The following DSCAM variants were observed in gnomAD, a reference collection of about 807,000 sequenced individuals.
DSCAM encodes cell adhesion molecule DSCAM.
DSCAM carries 47 observed loss-of-function variants against 217.7 expected under a neutral mutation model. The observed-to-expected ratio is 0.22, with a 90% CI of 0.17 to 0.28. The LOEUF is 0.28. DSCAM is among the 10% of genes least tolerant of loss of function. The pLI, the probability that DSCAM is intolerant of heterozygous loss-of-function variation, is 1.00. For missense variants in DSCAM, 2,080 were observed against 2,618.3 expected, an observed-to-expected ratio of 0.79 and a Z score of 4.49; for synonymous variants, 1,056 against 1,015.3, an observed-to-expected ratio of 1.04 and a Z score of -0.76.
intron 3 of DSCAM, among the ~76,000 whole-genome samples, chr21:40,563,383 T>A (rs1364659748): frequency 6.6e-6 from 1 of 150,864 alleles, no homozygotes; most frequent in East Asian, 2.0e-4. Flanking sequence ...ATCATTGATC[T>A]GGTGGAACTC....
chr21:40,837,009 C>T (rs1034325782), intron 1 of DSCAM, among the ~76,000 whole-genome samples: 1 of 152,196 alleles, frequency 6.6e-6, no homozygotes, highest in Non-Finnish European at 1.5e-5. Context: ...TCTCCCTGAC[C>T]CAGAACACCG....
chr21:40,089,827 T>C (rs2089582089), intron 21 of DSCAM, among the ~76,000 whole-genome samples: 1 of 152,102 alleles, frequency 6.6e-6, no homozygotes, highest in Non-Finnish European at 1.5e-5. Context: ...ACAGCAATCC[T>C]AACCCTGAGT....
At chr21:40,409,550 C>G (rs1047134540) in intron 3 of DSCAM, among the ~76,000 whole-genome samples, 5 of 152,132 alleles carry the variant, frequency 3.3e-5, no homozygotes, top group African/African-American at 1.2e-4. Context: ...CTGAGTTTTA[C>G]AGAGGGCCCA....
intron 3 of DSCAM, among the ~76,000 whole-genome samples, chr21:40,577,665 G>C (rs896358382): frequency 7.9e-5 from 12 of 152,204 alleles, no homozygotes; most frequent in Admixed American, 5.9e-4. Context: ...GAAGAAGGGG[G>C]TAGATTTTCT....
chr21:40,814,607 T>A (rs1034030018), intron 1 of DSCAM, among the ~76,000 whole-genome samples: 1 of 152,176 alleles, frequency 6.6e-6, no homozygotes, highest in Non-Finnish European at 1.5e-5. Context: ...GACAAATACA[T>A]AGATCATTGT....
chr21:40,128,732 G>C (rs1326010150), intron 19 of DSCAM, among the ~76,000 whole-genome samples: 3 of 148,186 alleles, frequency 2.0e-5, no homozygotes. Flanking sequence ...CCCATATCCT[G>C]TGAGCCTGGG....
At chr21:40,457,433 GC>G (rs879351979) in intron 3 of DSCAM, among the ~76,000 whole-genome samples, 14 of 152,004 alleles carry the variant, frequency 9.2e-5, no homozygotes, top group Non-Finnish European at 1.6e-4. Context: ...GATTGCTTGA[GC>G]CCGGGAGTTT....
At chr21:40,719,071 G>A (rs751152996) in intron 1 of DSCAM, among the ~76,000 whole-genome samples, 35 of 151,986 alleles carry the variant, frequency 2.3e-4, no homozygotes, top group East Asian at 5.8e-4. Context: ...AGCCGAGATC[G>A]CACCACTGCA....
intron 11 of DSCAM, among the ~76,000 whole-genome samples, chr21:40,198,106 A>C (rs1434041349): frequency 1.3e-5 from 2 of 152,128 alleles, no homozygotes; most frequent in East Asian, 3.9e-4. Context: ...CAAGACCCAA[A>C]CATCTCCCGC....
chr21:40,520,130 T>C (rs2076347269), intron 3 of DSCAM, among the ~76,000 whole-genome samples: 1 of 152,108 alleles, frequency 6.6e-6, no homozygotes, highest in Non-Finnish European at 1.5e-5. Flanking sequence ...CTAAATTATA[T>C]GTGAAGTAGA....
At chr21:40,316,071 C>T (rs548272842) in intron 8 of DSCAM, among the ~76,000 whole-genome samples, 9 of 151,970 alleles carry the variant, frequency 5.9e-5, no homozygotes, top group South Asian at 4.2e-4. Flanking sequence ...TTATAAGTCA[C>T]GGTTAACATA....
At chr21:40,700,500 T>A (rs1392856158) in intron 2 of DSCAM, among the ~76,000 whole-genome samples, 1 of 152,180 alleles carries the variant, frequency 6.6e-6, no homozygotes, top group Non-Finnish European at 1.5e-5. Context: ...TCACCTTGCA[T>A]TATGAATATA....
At chr21:40,360,121 GTCTTTTTTTTTTT>G (rs2074743175) in intron 4 of DSCAM, among the ~76,000 whole-genome samples, 1 of 82,656 alleles carries the variant, frequency 1.2e-5, no homozygotes, top group Non-Finnish European at 2.2e-5. Context: ...TTCATAGGTA[GTCTTTTTTTTTTT>G]TTTTTTTTTT....
Position 40,320,082 on chromosome 21 carries a change from T to G in DSCAM, c.1784-7723A>C, listed in dbSNP as rs2074243579. On this transcript the variant is annotated intron_variant, in intron 8 of 32. Coordinates refer to ENST00000400454, the MANE Select transcript of DSCAM (RefSeq NM_001389.5). ...GGAAAGCATCAGGAAAAATAGCTAA[T>G]GCATGCTGGGCTTAATACCTAGGTG... is the stretch of plus-strand genomic sequence containing the variant. Among the ~76,000 whole-genome samples the G allele has an allele frequency of 2.0e-5, 3 of 152,106 alleles. No individual in the cohort carries two copies. In the South Asian group the frequency reaches 6.2e-4, roughly 32 times the overall value.
intron 3 of DSCAM, among the ~76,000 whole-genome samples, chr21:40,439,749 T>C (rs543774040): frequency 1.3e-5 from 2 of 152,278 alleles, no homozygotes; most frequent in Admixed American, 6.5e-5. Context: ...ATGTCTTACA[T>C]GGATGGCAGC....
At chr21:40,590,449 G>T (rs1031044504) in intron 3 of DSCAM, among the ~76,000 whole-genome samples, 1 of 152,146 alleles carries the variant, frequency 6.6e-6, no homozygotes, top group Admixed American at 6.5e-5. Context: ...GTGAACATGG[G>T]GAAAGTTGAT....
rs16999657 is a variant in DSCAM, at chr21:40,312,009, C to G, written c.2062+72G>C. ...AGTTCCAGTTATTTTCGAAATATTT[C>G]AAGCCCCATCATCTTAAACCATTGT... is the stretch of plus-strand genomic sequence containing the variant. On this transcript the variant is annotated intron_variant, in intron 9 of 32. Transcript: ENST00000400454. 5.2e-3 allele frequency: 5,128 copies of G among 986,458 alleles called. 153 individuals carry two copies. The African/African-American group carries it at 0.081, about 15-fold the overall frequency. 61.1% of individuals were successfully genotyped at this position (986,458 alleles called of 1,614,324 possible).
At chr21:40,584,166 C>A (rs562526791) in intron 3 of DSCAM, among the ~76,000 whole-genome samples, 1 of 152,268 alleles carries the variant, frequency 6.6e-6, no homozygotes, top group South Asian at 2.1e-4. Flanking sequence ...ATATTCCTCC[C>A]ATGAACTTGC....
chr21:40,192,322 T>A (rs908643357), intron 11 of DSCAM, among the ~76,000 whole-genome samples: 5 of 152,150 alleles, frequency 3.3e-5, no homozygotes, highest in Non-Finnish European at 7.3e-5. Flanking sequence ...CATAGTGTCA[T>A]GGGAGAGGCC....
Sources: gnomAD v4.1 joint callset for allele counts (sites outside exome capture counted in the v4.1 genomes callset) on GRCh38, gnomAD v4.1.1 for gene constraint, MANE v1.5 for transcripts, NCBI Gene and HGNC (gene_info 2026-07-23, HGNC 2026-07-21) for gene names.